Variants in SSH1 observed in about 807,000 individuals in gnomAD.
SSH1 encodes protein phosphatase Slingshot homolog 1.
SSH1 carries 43 observed loss-of-function variants against 79.7 expected under a neutral mutation model. That is an observed-to-expected ratio of 0.54 (90% CI 0.42 to 0.70). The LOEUF (loss-of-function observed/expected upper bound fraction) is 0.70, where lower values mean the gene tolerates loss of function less well. Ranked by LOEUF, SSH1 falls within the 30% of genes least tolerant of loss-of-function variation. SSH1 has a pLI of 0.00. For missense variants in SSH1, 1,206 were observed against 1,358.8 expected, an observed-to-expected ratio of 0.89 and a Z score of 1.77; for synonymous variants, 599 against 538.3, an observed-to-expected ratio of 1.11 and a Z score of -1.56.
chr12:108,805,836 T>G lies in SSH1; in HGVS notation c.825+465A>C, dbSNP rs115622097. ...AAAAAAAGTGATCCAGGAAAAAACA[T>G]GAAAAGGTAAAAAGGTAGAGAGAAA... On this transcript the variant is annotated intron_variant, in intron 9 of 14. Coordinates refer to ENST00000326495, the MANE Select transcript of SSH1 (RefSeq NM_018984.4). Among the ~76,000 whole-genome samples, 719 of 152,090 alleles carry G rather than the reference T, an allele frequency of 4.7e-3. 2 individuals are homozygous for G. The highest frequency in any genetic ancestry group is 0.016 in the African/African-American group (674 of 41,464).
At chr12:108,809,126 G>A (rs376266030) in intron 7 of SSH1, among the ~76,000 whole-genome samples, 21 of 149,290 alleles carry the variant, frequency 1.4e-4, no homozygotes, top group Non-Finnish European at 5.9e-5. Context: ...GAGCCACCAC[G>A]CCTAGCCCAT....
rs1435089138 is a variant in SSH1, at chr12:108,788,105, T to G, written c.3033A>C (p.Glu1011Asp). 2.5e-6 allele frequency: 4 copies of G among 1,613,888 alleles called. No homozygotes were observed. In the East Asian group the frequency reaches 6.7e-5, roughly 27 times the overall value. ...VADSQDTTLS[E>D]SSFLHEPQGT... ...CCTGGGGCTCATGCAAGAAGGAAGATTCACTCAAAGTGGTGTCCTGGGAGT... is the reference window on the plus strand; with the variant it reads ...CCTGGGGCTCATGCAAGAAGGAAGAGTCACTCAAAGTGGTGTCCTGGGAGT... Residue 1011 changes from glutamate to aspartate, a missense_variant, in exon 15 of 15, where the codon GAA becomes GAC. Physicochemically the swap from Glu to Asp is conservative, Grantham distance 45 (BLOSUM62 2). Around this residue, in one of 5 missense-constraint regions of SSH1, gnomAD observed 709 missense variants for 730.6 expected, o/e 0.97. Transcript: ENST00000326495.
intron 2 of SSH1, chr12:108,833,758 A>T (rs1566011579): frequency 6.6e-6 from 1 of 152,254 alleles, no homozygotes; most frequent in Non-Finnish European, 1.5e-5. Context: ...AAGATGCAGT[A>T]AGTGTGACCA....
chr12:108,806,032 C>G (rs1171229630), intron 9 of SSH1, among the ~76,000 whole-genome samples: 1 of 151,960 alleles, frequency 6.6e-6, no homozygotes, highest in African/African-American at 2.4e-5. Context: ...GGACTTCTCC[C>G]CAAAGGCCAT....
chr12:108,801,736 T>TA (rs10710750), intron 11 of SSH1, among the ~76,000 whole-genome samples: 342 of 137,700 alleles, frequency 2.5e-3, no homozygotes, highest in African/African-American at 4.0e-3. Flanking sequence ...TGTGTTGTTT[T>TA]AAAAAAAAAA....
At position 108,786,908 on chromosome 12, in the gene SSH1, T is replaced by C. The variant is rs891819797; in HGVS notation, c.*1080A>G. 1 of 152,328 alleles carries C rather than the reference T, an allele frequency of 6.6e-6. No homozygotes were observed. The highest frequency in any genetic ancestry group is 1.9e-4 in the East Asian group (1 of 5,208). 9.4% of individuals were successfully genotyped at this position (152,328 alleles called of 1,614,324 possible). On this transcript the variant is annotated 3_prime_UTR_variant, in exon 15 of 15. Transcript: ENST00000326495. ...AGGCAGCGACTACAGATCCCTCTTA[T>C]ACTCCCTCACTGCTGCTGGGAAGAG...
rs2036880772 is a variant in SSH1 at position 108,799,206 on chromosome 12, G to A, written c.1149-6C>T. 3.1e-6 allele frequency: 5 copies of A among 1,610,468 alleles called. No homozygotes were observed. Among genetic ancestry groups the A allele is most frequent in the Non-Finnish European group, 4.2e-6 (5 of 1,177,968 alleles). ...GGCACTTGGAATGGTTCCTCCTGCA[G>A]GGGTGGGAGCAGTTGGGGAGGAGAG... is the stretch of plus-strand genomic sequence containing the variant. On this transcript the variant is annotated splice_region_variant and splice_polypyrimidine_tract_variant and intron_variant, in intron 12 of 14. Coordinates refer to ENST00000326495, the MANE Select transcript of SSH1 (RefSeq NM_018984.4).
intron 2 of SSH1, among the ~76,000 whole-genome samples, chr12:108,842,059 G>C (rs573675918): frequency 1.3e-5 from 2 of 152,076 alleles, no homozygotes; most frequent in Admixed American, 1.3e-4. Flanking sequence ...AGCCCAGGAG[G>C]TCGGGGCTGC....
At chr12:108,827,249 G>A (rs1017525336) in intron 2 of SSH1, 2 of 1,541,720 alleles carry the variant, frequency 1.3e-6, no homozygotes, top group Non-Finnish European at 1.8e-6. Context: ...AGTAATCAGG[G>A]TGGTCATACG....
At chr12:108,789,913 C>T (rs2036430995) in intron 14 of SSH1, among the ~76,000 whole-genome samples, 1 of 152,094 alleles carries the variant, frequency 6.6e-6, no homozygotes, top group South Asian at 2.1e-4. Context: ...AGGCTGGTCT[C>T]GAACTCCTGG....
chr12:108,836,658 T>C (rs986828573), intron 2 of SSH1, among the ~76,000 whole-genome samples: 22 of 152,302 alleles, frequency 1.4e-4, no homozygotes, highest in African/African-American at 5.1e-4. Flanking sequence ...ATTAACATAA[T>C]TTTAAAGTAT....
At position 108,852,629 on chromosome 12, in the gene SSH1, T is replaced by C. The variant is rs767321605; in HGVS notation, c.110+9A>G. The C allele has an allele frequency of 2.5e-6, 4 of 1,614,108 alleles. No homozygotes were observed. Among genetic ancestry groups the C allele is most frequent in the Non-Finnish European group, 8.5e-7 (1 of 1,179,980 alleles). ...AAGACTTAGGAACAAGAATTGAAAG[T>C]CTGCTTACCTGAGGTTTAATTTTCG... On this transcript the variant is annotated intron_variant, in intron 2 of 14. Coordinates refer to ENST00000326495, the MANE Select transcript of SSH1 (RefSeq NM_018984.4).
intron 13 of SSH1, among the ~76,000 whole-genome samples, chr12:108,794,861 G>C (rs1305335532): frequency 6.6e-6 from 1 of 152,070 alleles, no homozygotes; most frequent in East Asian, 1.9e-4. Flanking sequence ...ATAGATTGTG[G>C]GGGGTGGGTG....
intron 6 of SSH1, among the ~76,000 whole-genome samples, chr12:108,809,982 C>A (rs1024303821): frequency 6.6e-6 from 1 of 152,056 alleles, no homozygotes; most frequent in South Asian, 2.1e-4. Context: ...CCCAGCACTG[C>A]GAGTTCCACC....
At chr12:108,801,016 G>GAA (rs2036977720) in intron 11 of SSH1, 90 bp from the exon 12 acceptor site, 1 of 1,325,712 alleles carries the variant, frequency 7.5e-7, no homozygotes, top group Non-Finnish European at 1.1e-6. Context: ...AAAAGAAAAG[G>GAA]AAACACACAT....
intron 11 of SSH1, among the ~76,000 whole-genome samples, chr12:108,801,995 G>A (rs1027483677): frequency 6.6e-6 from 1 of 152,218 alleles, no homozygotes; most frequent in African/African-American, 2.4e-5. Context: ...CAACTGTGCG[G>A]GGCAGGGAAG....
intron 2 of SSH1, among the ~76,000 whole-genome samples, chr12:108,825,453 T>C (rs1346671482): frequency 6.6e-6 from 1 of 152,230 alleles, no homozygotes; most frequent in Non-Finnish European, 1.5e-5. Flanking sequence ...TTATGTTCTA[T>C]GATATAAAGT....
At chr12:108,814,822 G>A (rs1445938995) in intron 5 of SSH1, among the ~76,000 whole-genome samples, 1 of 152,242 alleles carries the variant, frequency 6.6e-6, no homozygotes, top group African/African-American at 2.4e-5. Flanking sequence ...GGTGCCGAGG[G>A]GAGGCAAAGG....
chr12:108,848,102 G>A (rs1230334813), intron 2 of SSH1, among the ~76,000 whole-genome samples: 9 of 152,174 alleles, frequency 5.9e-5, no homozygotes, highest in Non-Finnish European at 1.0e-4. Context: ...CGGTGACGCT[G>A]GAGCTCAGAA....
Sources: gnomAD v4.1 joint callset for allele counts (sites outside exome capture counted in the v4.1 genomes callset) on GRCh38, gnomAD v4.1.1 for gene constraint, gnomAD v4.1.1 regional missense constraint, MANE v1.5 for transcripts, NCBI Gene and HGNC (gene_info 2026-07-23, HGNC 2026-07-21) for gene names.